ZNF138: variants seen among roughly 807,000 people sequenced by gnomAD.
ZNF138 encodes zinc finger protein 138 (clone pHZ-32).
ZNF138 carries 33 observed loss-of-function variants against 33.0 expected under a neutral mutation model. The ratio of observed to expected loss-of-function variants is 1.00; its 90% CI spans 0.76 to 1.34. The LOEUF is 1.34. Among genes scored for constraint, ZNF138 ranks in the 40% most tolerant of loss-of-function variants. ZNF138 has a pLI of 0.00. For missense variants in ZNF138, 360 were observed against 370.8 expected, an observed-to-expected ratio of 0.97 and a Z score of 0.24; for synonymous variants, 139 against 120.4, an observed-to-expected ratio of 1.15 and a Z score of -1.01.
At chr7:64,819,062 A>T (rs62456827) in intron 3 of ZNF138, among the ~76,000 whole-genome samples, 7,166 of 152,152 alleles carry the variant, frequency 0.047, 214 homozygotes, top group East Asian at 0.14. Context: ...TTACTTACAT[A>T]TTATTATTTA....
chr7:64,830,817 G>A (rs1790021431), intron 3 of ZNF138: 1 of 1,131,336 alleles, frequency 8.8e-7, no homozygotes, highest in Non-Finnish European at 1.2e-6. Flanking sequence ...GATTCTGAGA[G>A]TCTTTCAGAC....
intron 1 of ZNF138, among the ~76,000 whole-genome samples, chr7:64,812,261 T>C (rs1248245499): frequency 6.6e-6 from 1 of 151,854 alleles, no homozygotes; most frequent in Non-Finnish European, 1.5e-5. Flanking sequence ...TGGGTTCAAG[T>C]GATTCTCCTG....
At chr7:64,810,725 G>A (rs571849629) in intron 1 of ZNF138, among the ~76,000 whole-genome samples, 1 of 152,162 alleles carries the variant, frequency 6.6e-6, no homozygotes, top group East Asian at 1.9e-4. Context: ...TACACTCCCT[G>A]CCCCAGCCTT....
the ZNF138 span, among the ~76,000 whole-genome samples, chr7:64,839,071 G>A: frequency 0.31 from 47,452 of 152,088 alleles, 7,948 homozygotes; most frequent in Non-Finnish European, 0.37. Context: ...GCGGTCTGAC[G>A]AGAGCGGAGG....
In ZNF138 at chr7:64,820,405, A is replaced by G. The variant is rs552551057; in HGVS notation, c.208+4752A>G. On this transcript the variant is annotated intron_variant, in intron 3 of 3. Coordinates refer to ENST00000307355, the MANE Select transcript of ZNF138 (RefSeq NM_001271639.2). The stretch of plus-strand genomic sequence containing the variant: ...CTGAATAAAATTCCATTTTGTGTAT[A>G]TGTTACATTTTTTGATGTGTTTGTA... Among the ~76,000 whole-genome samples the G allele has an allele frequency of 1.2e-4, 18 of 151,802 alleles. No individual in the cohort carries two copies. In the East Asian group the frequency reaches 3.5e-3, roughly 29 times the overall value.
intron 1 of ZNF138, among the ~76,000 whole-genome samples, chr7:64,806,533 A>C (rs1787613525): frequency 6.6e-6 from 1 of 152,106 alleles, no homozygotes; most frequent in Non-Finnish European, 1.5e-5. Flanking sequence ...CCAGTACCTA[A>C]ATTTGCAGCT....
At chr7:64,807,155 C>A (rs1787670178) in intron 1 of ZNF138, among the ~76,000 whole-genome samples, 1 of 152,256 alleles carries the variant, frequency 6.6e-6, no homozygotes, top group Non-Finnish European at 1.5e-5. Context: ...ATGCTAATGA[C>A]TGGCTTGCTG....
In ZNF138 at chr7:64,833,016, T is replaced by C; in HGVS notation, c.*814T>C. 2.3e-6 allele frequency: 1 copy of C among 435,958 alleles called. No homozygotes were observed. The highest frequency in any genetic ancestry group is 1.8e-5 in the South Asian group (1 of 56,330). The allele number at this position is 435,958 out of a possible 1,614,324, so 27.0% of individuals were successfully genotyped here. Reference sequence around the variant, plus strand: ...AGAGAAACTCTACAAATGTGAAGAATGTGGCAAAGCTTTTAACCAAGTCTC... The same window carrying C: ...AGAGAAACTCTACAAATGTGAAGAACGTGGCAAAGCTTTTAACCAAGTCTC... On this transcript the variant is annotated 3_prime_UTR_variant, in exon 4 of 4. Transcript: ENST00000307355.
At chr7:64,839,125 G>A in the ZNF138 span, among the ~76,000 whole-genome samples, 538 of 152,320 alleles carry the variant, frequency 3.5e-3, 2 homozygotes, top group African/African-American at 0.012. Flanking sequence ...TATTTGCCTC[G>A]CCTCTGACAA....
At chr7:64,804,877 A>T (rs1470401001) in intron 1 of ZNF138, among the ~76,000 whole-genome samples, 2 of 152,174 alleles carry the variant, frequency 1.3e-5, no homozygotes, top group Non-Finnish European at 2.9e-5. Context: ...TGGAAGAGAA[A>T]CCTATTAAAT....
Position 64,807,328 on chromosome 7 carries a change from G to C in ZNF138, c.4-7590G>C, listed in dbSNP as rs1447084777. On this transcript the variant is annotated intron_variant, in intron 1 of 3. Coordinates refer to ENST00000307355, the MANE Select transcript of ZNF138 (RefSeq NM_001271639.2). ...ACAACCTAGCTGGTCTGGGCACTCTGTCCCTCTTTTTGCCTTTACAAATCC... is the reference window on the plus strand; with the variant it reads ...ACAACCTAGCTGGTCTGGGCACTCTCTCCCTCTTTTTGCCTTTACAAATCC... Among the ~76,000 whole-genome samples the C allele has an allele frequency of 2.6e-5, 4 of 152,142 alleles. No individual in the cohort carries two copies. The East Asian group carries it at 7.7e-4, about 29-fold the overall frequency.
chr7:64,820,999 A>G lies in ZNF138; in HGVS notation c.208+5346A>G, dbSNP rs189825386. ...AACAGATTTGGTGTTTTTAAAAAAA[A>G]TTGATGATGGCCATTCTAATTGGTG... On this transcript the variant is annotated intron_variant, in intron 3 of 3. Transcript: ENST00000307355. Among the ~76,000 whole-genome samples, 127 of 150,528 alleles carry G rather than the reference A, an allele frequency of 8.4e-4. 7 individuals are homozygous for G. The highest frequency in any genetic ancestry group is 1.7e-3 in the African/African-American group (70 of 40,622).
At chr7:64,805,368 C>T (rs1014674979) in intron 1 of ZNF138, among the ~76,000 whole-genome samples, 73 of 150,826 alleles carry the variant, frequency 4.8e-4, no homozygotes, top group Non-Finnish European at 2.2e-4. Flanking sequence ...CACTGCACTC[C>T]AGCCTGGGCG....
chr7:64,827,201 T>G (rs1230327179), intron 3 of ZNF138, among the ~76,000 whole-genome samples: 7 of 150,766 alleles, frequency 4.6e-5, no homozygotes, highest in Non-Finnish European at 3.0e-5. Flanking sequence ...CTTGGCCTCC[T>G]AAAGCTGTAG....
In ZNF138 at chr7:64,832,157, A is replaced by G. The variant is rs1790144925; in HGVS notation, c.915A>G (p.Glu305=). ...TKHQIIYTGE[E]PYKCEECGKA... ...ATCAGATAATTTATACTGGAGAGGA[A>G]CCATACAAATGTGAGGAATGTGGCA... The change falls in exon 4 of 4, where the codon GAA becomes GAG. Residue 305 remains glutamate, a synonymous_variant. Coordinates refer to ENST00000307355, the MANE Select transcript of ZNF138 (RefSeq NM_001271639.2). The G allele has an allele frequency of 1.2e-6, 2 of 1,611,634 alleles. No individual in the cohort carries two copies. The highest frequency in any genetic ancestry group is 8.5e-7 in the Non-Finnish European group (1 of 1,179,448).
At chr7:64,801,634 ATGT>A (rs1554363421) in intron 1 of ZNF138, among the ~76,000 whole-genome samples, 1 of 152,074 alleles carries the variant, frequency 6.6e-6, no homozygotes, top group Non-Finnish European at 1.5e-5. Flanking sequence ...AATATATATT[ATGT>A]TGTTTTTAGA....
chr7:64,823,238 T>C (rs1363941355), intron 3 of ZNF138, among the ~76,000 whole-genome samples: 8 of 152,064 alleles, frequency 5.3e-5, no homozygotes, highest in Non-Finnish European at 1.0e-4. Flanking sequence ...GTTTTATTTT[T>C]ATATATTTTT....
downstream of ZNF138, among the ~76,000 whole-genome samples, chr7:64,837,449 G>A (rs187503717): frequency 6.6e-6 from 1 of 152,230 alleles, no homozygotes; most frequent in Non-Finnish European, 1.5e-5. Flanking sequence ...GGTAGGGCAG[G>A]TACGTGCCAA....
intron 3 of ZNF138, 44 bp downstream of exon 3, chr7:64,815,697 A>C: frequency 1.3e-6 from 2 of 1,557,986 alleles, no homozygotes; most frequent in Admixed American, 1.8e-5. Context: ...GAGAGGTCAA[A>C]GGCCAAGGAG....
Sources: gnomAD v4.1 joint callset for allele counts (sites outside exome capture counted in the v4.1 genomes callset) on GRCh38, gnomAD v4.1.1 for gene constraint, MANE v1.5 for transcripts, NCBI Gene and HGNC (gene_info 2026-07-23, HGNC 2026-07-21) for gene names.